Variants in PLCL1 observed in about 807,000 individuals in gnomAD.
PLCL1 encodes the protein phospholipase C like 1 (inactive).
In PLCL1, 41 loss-of-function variants were observed where a neutral mutation model predicts 84.4. The observed-to-expected ratio is 0.49, with a 90% CI of 0.38 to 0.63. The LOEUF is 0.63. Ranked by LOEUF, PLCL1 falls within the 30% of genes least tolerant of loss-of-function variation. PLCL1 has a pLI of 0.00. For synonymous variants in PLCL1, 490 were observed against 488.3 expected, an observed-to-expected ratio of 1.00 and a Z score of -0.05; for missense variants, 1,206 against 1,367.8, an observed-to-expected ratio of 0.88 and a Z score of 1.87.
intron 1 of PLCL1, among the ~76,000 whole-genome samples, chr2:197,974,411 A>G (rs575937411): frequency 4.0e-4 from 61 of 152,216 alleles, no homozygotes; most frequent in Non-Finnish European, 5.9e-4. Context: ...TCAGTCAGGA[A>G]AAAAAAGAAG....
intron 3 of PLCL1, among the ~76,000 whole-genome samples, chr2:198,090,830 T>C (rs554453039): frequency 6.6e-6 from 1 of 152,130 alleles, no homozygotes; most frequent in East Asian, 1.9e-4. Context: ...GCCAGGGAGG[T>C]CCCTGAAGCT....
intron 1 of PLCL1, among the ~76,000 whole-genome samples, chr2:197,976,038 C>T (rs1396484759): frequency 6.6e-6 from 1 of 152,154 alleles, no homozygotes; most frequent in Non-Finnish European, 1.5e-5. Flanking sequence ...CTTAATATTT[C>T]CCTACACTCT....
intron 1 of PLCL1, among the ~76,000 whole-genome samples, chr2:197,907,724 T>C (rs1688412338): frequency 6.6e-6 from 1 of 152,240 alleles, no homozygotes; most frequent in African/African-American, 2.4e-5. Flanking sequence ...CATAATTTCA[T>C]ATTTTGATTA....
intron 1 of PLCL1, among the ~76,000 whole-genome samples, chr2:197,978,011 T>C (rs1442066880): frequency 1.3e-5 from 2 of 152,216 alleles, no homozygotes; most frequent in African/African-American, 2.4e-5. Context: ...GCCTCTCTCA[T>C]CCTCAGCAAG....
intron 1 of PLCL1, among the ~76,000 whole-genome samples, chr2:197,999,412 A>G (rs921221514): frequency 1.3e-5 from 2 of 152,216 alleles, no homozygotes; most frequent in African/African-American, 2.4e-5. Flanking sequence ...CATTTTAGCT[A>G]TATCATAAGT....
intron 1 of PLCL1, among the ~76,000 whole-genome samples, chr2:197,949,827 A>G (rs767735397): frequency 6.6e-6 from 1 of 152,192 alleles, no homozygotes; most frequent in Non-Finnish European, 1.5e-5. Context: ...CCCTTTAAAT[A>G]ATTTATAAAG....
intron 1 of PLCL1, among the ~76,000 whole-genome samples, chr2:197,846,161 T>G (rs1172946424): frequency 6.6e-6 from 1 of 152,152 alleles, no homozygotes; most frequent in African/African-American, 2.4e-5. Flanking sequence ...CCAGGTTTTT[T>G]GGACTTTGTA....
rs766514428 is a variant in PLCL1, at chr2:198,071,808, A to G, written c.241-11950A>G. Among the ~76,000 whole-genome samples the G allele has an allele frequency of 6.7e-4, 102 of 151,948 alleles. 1 individual carries two copies. Among genetic ancestry groups the G allele is most frequent in the Admixed American group, 2.6e-3 (40 of 15,274 alleles). On this transcript the variant is annotated intron_variant, in intron 1 of 5. Transcript: ENST00000428675. ...TATTTGTTAAGAAAAGGTCTTCTTC[A>G]CCCAAAACTATACAAATATACTCTT...
intron 1 of PLCL1, among the ~76,000 whole-genome samples, chr2:198,051,626 G>A (rs1047282553): frequency 2.6e-5 from 4 of 152,078 alleles, no homozygotes; most frequent in Non-Finnish European, 5.9e-5. Context: ...ATTTTTAGCA[G>A]GATGCAAAAC....
At chr2:197,847,995 TA>T (rs374446841) in intron 1 of PLCL1, among the ~76,000 whole-genome samples, 1 of 152,240 alleles carries the variant, frequency 6.6e-6, no homozygotes, top group African/African-American at 2.4e-5. Flanking sequence ...TAAAGAGAGC[TA>T]AAAAAATAAA....
chr2:198,001,316 G>A (rs756802183), intron 1 of PLCL1, among the ~76,000 whole-genome samples: 85 of 152,062 alleles, frequency 5.6e-4, no homozygotes, highest in Non-Finnish European at 2.5e-4. Context: ...TTATTTCAAC[G>A]TAAGCTTTCT....
At chr2:197,980,296 G>T (rs1690075539) in intron 1 of PLCL1, among the ~76,000 whole-genome samples, 1 of 152,220 alleles carries the variant, frequency 6.6e-6, no homozygotes, top group South Asian at 2.1e-4. Flanking sequence ...GGGATTTATG[G>T]ATCAAGAGCT....
intron 2 of PLCL1, among the ~76,000 whole-genome samples, chr2:198,087,660 T>G (rs1383142708): frequency 6.6e-6 from 1 of 152,140 alleles, no homozygotes; most frequent in African/African-American, 2.4e-5. Context: ...TAACTGTACA[T>G]TTTAGAGTAA....
intron 4 of PLCL1, among the ~76,000 whole-genome samples, chr2:198,101,648 T>G (rs896926337): frequency 1.3e-5 from 2 of 152,038 alleles, no homozygotes; most frequent in African/African-American, 4.8e-5. Context: ...TGGAACCCCA[T>G]CAAAACCTTC....
At chr2:198,060,187 A>C (rs1253578122) in intron 1 of PLCL1, among the ~76,000 whole-genome samples, 1 of 152,188 alleles carries the variant, frequency 6.6e-6, no homozygotes, top group Admixed American at 6.5e-5. Context: ...AAATGTGGAG[A>C]AACAAAACCT....
intron 5 of PLCL1, among the ~76,000 whole-genome samples, chr2:198,129,491 C>A (rs939078235): frequency 6.6e-6 from 1 of 152,096 alleles, no homozygotes; most frequent in African/African-American, 2.4e-5. Flanking sequence ...GTTGTTCTGC[C>A]TTTCCCTACC....
intron 5 of PLCL1, among the ~76,000 whole-genome samples, chr2:198,107,305 C>T (rs1250561142): frequency 9.2e-5 from 14 of 151,834 alleles, no homozygotes; most frequent in African/African-American, 3.4e-4. Flanking sequence ...TCCTACAACA[C>T]GTGGGGATTG....
Position 197,930,632 on chromosome 2 carries a change from C to G in PLCL1, c.240+125293C>G, listed in dbSNP as rs189249061. ...AAAAATAATGTATGTTCATAGAACT[C>G]TAGGCACCATACAGCGACAATTGGT... is the stretch of plus-strand genomic sequence containing the variant. On this transcript the variant is annotated intron_variant, in intron 1 of 5. Transcript: ENST00000428675. Among the ~76,000 whole-genome samples, 78 of 152,198 alleles carry G rather than the reference C, an allele frequency of 5.1e-4. No homozygotes were observed. In the East Asian group the frequency reaches 0.013, roughly 25 times the overall value.
intron 1 of PLCL1, among the ~76,000 whole-genome samples, chr2:197,983,006 T>G (rs560408853): frequency 6.6e-6 from 1 of 152,112 alleles, no homozygotes; most frequent in Non-Finnish European, 1.5e-5. Context: ...GGCTTATAAG[T>G]GAACAATTTT....
Sources: allele counts gnomAD v4.1 joint callset (sites outside exome capture counted in the v4.1 genomes callset), GRCh38; gene constraint gnomAD v4.1.1; transcripts MANE v1.5; gene names NCBI Gene and HGNC (gene_info 2026-07-23, HGNC 2026-07-21).